The following GRIN2B variants were observed in gnomAD, a reference collection of about 807,000 sequenced individuals.
The protein encoded by GRIN2B is glutamate receptor ionotropic, NMDA 2B.
GRIN2B carries 5 observed loss-of-function variants against 114.5 expected under a neutral mutation model. That is an observed-to-expected ratio of 0.04 (90% CI 0.02 to 0.09). The LOEUF (loss-of-function observed/expected upper bound fraction) is 0.09, where lower values mean the gene tolerates loss of function less well. Among genes scored for constraint, GRIN2B ranks in the 10% least tolerant of loss-of-function variants. The probability of loss-of-function intolerance (pLI) is 1.00; values close to 1 mark genes in which losing one functional copy is unlikely to be tolerated. For missense variants in GRIN2B, 1,108 were observed against 1,943.5 expected (o/e 0.57, Z 8.08); for synonymous variants, 787 against 745.1 (o/e 1.06, Z -0.92).
At chr12:13,790,402 T>C (rs1864300799) in intron 3 of GRIN2B, among the ~76,000 whole-genome samples, 1 of 152,244 alleles carries the variant, frequency 6.6e-6, no homozygotes, top group Non-Finnish European at 1.5e-5. Context: ...TTTACTTTCC[T>C]TGAATGTGTA....
chr12:13,842,689 T>A (rs1434092916), intron 3 of GRIN2B, among the ~76,000 whole-genome samples: 1 of 152,194 alleles, frequency 6.6e-6, no homozygotes, highest in Non-Finnish European at 1.5e-5. Context: ...AATGTTGACT[T>A]CTTGCATAAA....
At chr12:13,567,591 C>T (rs1416473202) in intron 12 of GRIN2B, among the ~76,000 whole-genome samples, 6 of 152,110 alleles carry the variant, frequency 3.9e-5, no homozygotes, top group Non-Finnish European at 8.8e-5. Context: ...AAGCTGTCTG[C>T]AGGTAACAAG....
At chr12:13,698,902 C>T (rs372921446) in intron 4 of GRIN2B, among the ~76,000 whole-genome samples, 2 of 152,056 alleles carry the variant, frequency 1.3e-5, no homozygotes, top group African/African-American at 4.8e-5. Context: ...AGGCTGGTCT[C>T]GAACTCCTGA....
At chr12:13,678,491 T>A (rs774984234) in intron 4 of GRIN2B, among the ~76,000 whole-genome samples, 5 of 152,124 alleles carry the variant, frequency 3.3e-5, no homozygotes, top group Non-Finnish European at 7.4e-5. Context: ...CTGATTCTCA[T>A]ATACAACATC....
intron 3 of GRIN2B, among the ~76,000 whole-genome samples, chr12:13,849,214 C>T (rs770022472): frequency 8.6e-5 from 13 of 151,722 alleles, no homozygotes; most frequent in Non-Finnish European, 1.6e-4. Context: ...GGACTCTGGC[C>T]GCTGCTCTCT....
At chr12:13,666,555 G>A (rs1373840884) in intron 5 of GRIN2B, among the ~76,000 whole-genome samples, 1 of 152,192 alleles carries the variant, frequency 6.6e-6, no homozygotes, top group East Asian at 1.9e-4. Flanking sequence ...TTTATTAAGA[G>A]CTTTTATTAT....
At chr12:13,850,559 C>T (rs528528390) in intron 3 of GRIN2B, among the ~76,000 whole-genome samples, 2 of 152,308 alleles carry the variant, frequency 1.3e-5, no homozygotes, top group Non-Finnish European at 2.9e-5. Context: ...TTCTCTAATT[C>T]TCTTTCCCTT....
At position 13,539,469 on chromosome 12, in the gene GRIN2B, T is replaced by C. The variant is rs1948251131; in HGVS notation, c.*23314A>G. 1 of 152,162 alleles carries C rather than the reference T, an allele frequency of 6.6e-6. No homozygotes were observed. Among genetic ancestry groups the C allele is most frequent in the Non-Finnish European group, 1.5e-5 (1 of 68,030 alleles). The allele number at this position is 152,162 out of a possible 1,614,324, so 9.4% of individuals were successfully genotyped here. The stretch of plus-strand genomic sequence containing the variant: ...GATACTATTATTTAACTTGGATAAT[T>C]TAGCAATCAAGGTATAGAAAGAGAG... On this transcript the variant is annotated 3_prime_UTR_variant, in exon 14 of 14. Coordinates refer to ENST00000609686, the MANE Select transcript of GRIN2B (RefSeq NM_000834.5).
intron 13 of GRIN2B, among the ~76,000 whole-genome samples, chr12:13,566,669 T>TAAATAG: frequency 6.6e-6 from 1 of 152,364 alleles, no homozygotes; most frequent in African/African-American, 2.4e-5. Context: ...AATAGAAATG[T>TAAATAG]ACATTTTTAA....
chr12:13,823,665 C>T (rs934057960), intron 3 of GRIN2B, among the ~76,000 whole-genome samples: 1 of 151,974 alleles, frequency 6.6e-6, no homozygotes, highest in Non-Finnish European at 1.5e-5. Context: ...TACTTTATTC[C>T]ATATGCTACA....
At chr12:13,874,477 T>C (rs781152827) in intron 2 of GRIN2B, among the ~76,000 whole-genome samples, 9 of 152,238 alleles carry the variant, frequency 5.9e-5, no homozygotes, top group Non-Finnish European at 1.0e-4. Context: ...CACGGGTTTT[T>C]CTTTTTTCCT....
At chr12:13,804,056 T>A (rs1363083490) in intron 3 of GRIN2B, among the ~76,000 whole-genome samples, 1 of 152,186 alleles carries the variant, frequency 6.6e-6, no homozygotes, top group Non-Finnish European at 1.5e-5. Flanking sequence ...CCAAATTATA[T>A]CTTTTCACCA....
chr12:13,863,103 G>C (rs1865774604), intron 3 of GRIN2B, among the ~76,000 whole-genome samples: 1 of 152,208 alleles, frequency 6.6e-6, no homozygotes, highest in South Asian at 2.1e-4. Context: ...TGGTAGCAAT[G>C]AAGGAAGGAG....
intron 2 of GRIN2B, among the ~76,000 whole-genome samples, chr12:13,958,885 G>A (rs543923483): frequency 2.6e-5 from 4 of 151,506 alleles, no homozygotes; most frequent in East Asian, 2.0e-4. Context: ...GAAAAAAGAC[G>A]TTATAGAGAC....
chr12:13,841,526 T>C (rs1303157159), intron 3 of GRIN2B, among the ~76,000 whole-genome samples: 1 of 152,194 alleles, frequency 6.6e-6, no homozygotes, highest in Non-Finnish European at 1.5e-5. Context: ...CACTTTTCAC[T>C]GTGCTGTAAT....
At chr12:13,865,656 GGATT>G (rs1865814956) in intron 3 of GRIN2B, 138 bp downstream of exon 3, 1 of 791,342 alleles carries the variant, frequency 1.3e-6, no homozygotes, top group South Asian at 1.4e-5. Context: ...GAAAAAAAAA[GGATT>G]AATTGCTGGC....
intron 3 of GRIN2B, among the ~76,000 whole-genome samples, chr12:13,841,636 T>C: frequency 6.6e-6 from 1 of 152,108 alleles, no homozygotes; most frequent in East Asian, 1.9e-4. Context: ...TAGAAGCAAT[T>C]TCCTTGGAAA....
At chr12:13,637,285 A>G (rs573980936) in intron 5 of GRIN2B, among the ~76,000 whole-genome samples, 6 of 152,142 alleles carry the variant, frequency 3.9e-5, no homozygotes, top group Non-Finnish European at 8.8e-5. Flanking sequence ...ATTAATCTAG[A>G]TGTAGGTAAC....
intron 5 of GRIN2B, among the ~76,000 whole-genome samples, chr12:13,633,653 C>A (rs976389828): frequency 1.3e-5 from 2 of 152,150 alleles, no homozygotes; most frequent in Non-Finnish European, 2.9e-5. Context: ...CTAATATATT[C>A]CTGACTTGAA....
Sources: gnomAD v4.1 joint callset for allele counts (sites outside exome capture counted in the v4.1 genomes callset) on GRCh38, gnomAD v4.1.1 for gene constraint, MANE v1.5 for transcripts, NCBI Gene and HGNC (gene_info 2026-07-23, HGNC 2026-07-21) for gene names.